Variants in ZNF354B observed in about 807,000 individuals in gnomAD.
ZNF354B encodes the protein zinc finger protein 354B.
A neutral mutation model predicts 12.9 loss-of-function variants in ZNF354B; 10 were observed. That is an observed-to-expected ratio of 0.77 (90% CI 0.48 to 1.31). The LOEUF (loss-of-function observed/expected upper bound fraction) is 1.31. Ranked by LOEUF, ZNF354B falls within the 40% of genes most tolerant of loss-of-function variation. The pLI, the probability that ZNF354B is intolerant of heterozygous loss-of-function variation, is 0.00. For missense variants in ZNF354B, 614 were observed against 711.7 expected (o/e 0.86, Z 1.56); for synonymous variants, 260 against 243.7 (o/e 1.07, Z -0.62).
chr5:178,862,673 A>T (rs1437320572), intron 2 of ZNF354B, among the ~76,000 whole-genome samples: 1 of 152,186 alleles, frequency 6.6e-6, no homozygotes, highest in Non-Finnish European at 1.5e-5. Flanking sequence ...TGGCGGCGTT[A>T]TCTTTTAAAC....
At chr5:178,863,664 C>T (rs890334211) in intron 2 of ZNF354B, among the ~76,000 whole-genome samples, 1 of 152,112 alleles carries the variant, frequency 6.6e-6, no homozygotes, top group African/African-American at 2.4e-5. Context: ...TTAACTGTAA[C>T]AGCCTCAGGC....
Position 178,884,186 on chromosome 5 carries a change from T to C in ZNF354B, c.1734T>C (p.Tyr578=), listed in dbSNP as rs372012541. 3.1e-5 allele frequency: 50 copies of C among 1,613,940 alleles called. No individual in the cohort carries two copies. The highest frequency in any genetic ancestry group is 1.7e-4 in the Admixed American group (10 of 59,990). Residue 578 remains tyrosine (Y), a synonymous_variant, in exon 5 of 5, where the codon TAT becomes TAC. Transcript: ENST00000322434. ...HQRIHTGEKP[Y]ECNACGKLFS... ...GAATTCATACTGGAGAGAAACCCTA[T>C]GAATGTAATGCATGTGGGAAACTCT...
intron 2 of ZNF354B, among the ~76,000 whole-genome samples, chr5:178,861,727 G>T (rs1761315815): frequency 6.6e-6 from 1 of 152,240 alleles, no homozygotes; most frequent in Non-Finnish European, 1.5e-5. Context: ...TGCAGAGGCA[G>T]CGTAGGTGGT....
chr5:178,863,599 A>G (rs967260411), intron 2 of ZNF354B, among the ~76,000 whole-genome samples: 7 of 152,178 alleles, frequency 4.6e-5, no homozygotes, highest in African/African-American at 1.4e-4. Context: ...TTATATATTT[A>G]TTGTACTATT....
chr5:178,874,932 T>C (rs929960353), intron 4 of ZNF354B, among the ~76,000 whole-genome samples: 5 of 152,194 alleles, frequency 3.3e-5, no homozygotes, highest in Admixed American at 3.3e-4. Flanking sequence ...AGGGCCAGTG[T>C]TTTATGCAGG....
intron 2 of ZNF354B, among the ~76,000 whole-genome samples, chr5:178,862,780 C>T (rs1757381628): frequency 6.6e-6 from 1 of 152,214 alleles, no homozygotes; most frequent in Admixed American, 6.5e-5. Context: ...CTATTCCATT[C>T]TCACAGAGCC....
intron 4 of ZNF354B, among the ~76,000 whole-genome samples, chr5:178,876,729 CT>C (rs918871603): frequency 3.3e-5 from 5 of 152,116 alleles, no homozygotes; most frequent in African/African-American, 1.2e-4. Flanking sequence ...AGAATTTCCT[CT>C]TGGTTTCTTT....
At chr5:178,861,165 A>T in intron 2 of ZNF354B, 85 bp downstream of exon 2, 1 of 867,808 alleles carries the variant, frequency 1.2e-6, no homozygotes. Context: ...TCCAGCCAGG[A>T]TGGAGCCCAA....
In ZNF354B at chr5:178,884,441, C is replaced by T. The variant is rs938881975; in HGVS notation, c.*150C>T. ...ATAACTTATGGGAAAAGCTTTTATA[C>T]TTGTCACTCACTTTTTAAAATATCC... On this transcript the variant is annotated 3_prime_UTR_variant, in exon 5 of 5. Coordinates refer to ENST00000322434, the MANE Select transcript of ZNF354B (RefSeq NM_058230.3). The T allele has an allele frequency of 2.5e-6, 2 of 796,238 alleles. No homozygotes were observed. Among genetic ancestry groups the T allele is most frequent in the Non-Finnish European group, 3.8e-6 (2 of 532,888 alleles). The allele number at this position is 796,238 out of a possible 1,614,324, so 49.3% of individuals were successfully genotyped here. A position where few individuals can be genotyped will look rare whatever the true frequency, so the allele number is the denominator to read the frequency against.
rs181457265 is a variant in ZNF354B, at chr5:178,875,288, C to T, written c.257-7421C>T. ...GGACTCCGGTTGGTGGTAGTTGTGG[C>T]AGAGAGCCTTTCACTTGTCTATGGG... is the stretch of plus-strand genomic sequence containing the variant. On this transcript the variant is annotated intron_variant, in intron 4 of 4. Coordinates refer to ENST00000322434, the MANE Select transcript of ZNF354B (RefSeq NM_058230.3). Among the ~76,000 whole-genome samples, 551 of 152,296 alleles carry T rather than the reference C, an allele frequency of 3.6e-3. 3 individuals are homozygous for T. The highest frequency in any genetic ancestry group is 0.01 in the Middle Eastern group (3 of 294).
chr5:178,869,787 G>T (rs1183301836), intron 4 of ZNF354B, among the ~76,000 whole-genome samples: 1 of 152,120 alleles, frequency 6.6e-6, no homozygotes, highest in Non-Finnish European at 1.5e-5. Context: ...ATTGCTCTTG[G>T]TGGGATGACC....
At chr5:178,861,232 G>A (rs1398419755) in intron 2 of ZNF354B, 152 bp downstream of exon 2, 1 of 1,059,406 alleles carries the variant, frequency 9.4e-7, no homozygotes, top group African/African-American at 1.6e-5. Context: ...TCTGTAGGGA[G>A]GACCACCCAC....
chr5:178,882,044 C>G (rs1242703986), intron 4 of ZNF354B, among the ~76,000 whole-genome samples: 2 of 151,760 alleles, frequency 1.3e-5, no homozygotes, highest in African/African-American at 4.9e-5. Flanking sequence ...AGAAATAGCT[C>G]TAGTGTATTT....
intron 4 of ZNF354B, among the ~76,000 whole-genome samples, chr5:178,881,646 T>TG (rs1757719575): frequency 8.0e-6 from 1 of 124,790 alleles, no homozygotes. Flanking sequence ...TTCAGTGAGT[T>TG]TTATCATTCA....
rs1430776869 is a variant in ZNF354B at position 178,867,016 on chromosome 5, G to A, written c.201G>A (p.Gln67=). 2.5e-6 allele frequency: 4 copies of A among 1,613,988 alleles called. No homozygotes were observed. Among genetic ancestry groups the A allele is most frequent in the East Asian group, 2.2e-5 (1 of 44,868 alleles). The part of the protein sequence containing the change: ...FTKPKVISLL[Q]QGEDPWEVEK... ...AACCAAAAGTCATCTCCCTGTTGCAGCAAGGAGAAGATCCCTGGGAGGTGG... is the reference window on the plus strand; with the variant it reads ...AACCAAAAGTCATCTCCCTGTTGCAACAAGGAGAAGATCCCTGGGAGGTGG... The change falls in exon 4 of 5, where the codon CAG becomes CAA. Residue 67 remains glutamine, a synonymous_variant. Coordinates refer to ENST00000322434, the MANE Select transcript of ZNF354B (RefSeq NM_058230.3).
chr5:178,883,706 C>T lies in ZNF354B; in HGVS notation c.1254C>T (p.Gly418=). 2 of 1,614,100 alleles carry T rather than the reference C, an allele frequency of 1.2e-6. No homozygotes were observed. Among genetic ancestry groups the T allele is most frequent in the South Asian group, 2.2e-5 (2 of 91,074 alleles). Residue 418 remains glycine (G), a synonymous_variant, in exon 5 of 5, where the codon GGC becomes GGT. Coordinates refer to ENST00000322434, the MANE Select transcript of ZNF354B (RefSeq NM_058230.3). ...KPYRCNECGK[G]FTSISRLNRH... ...ATAGATGCAATGAATGTGGGAAAGG[C>T]TTTACTTCTATTTCACGACTTAATA...
chr5:178,872,246 C>A (rs374460183), intron 4 of ZNF354B, among the ~76,000 whole-genome samples: 1 of 148,502 alleles, frequency 6.7e-6, no homozygotes, highest in African/African-American at 2.6e-5. Flanking sequence ...ATGTGTACAA[C>A]GTTATGGGAT....
At chr5:178,863,069 C>T (rs1757385834) in intron 2 of ZNF354B, among the ~76,000 whole-genome samples, 1 of 152,176 alleles carries the variant, frequency 6.6e-6, no homozygotes, top group South Asian at 2.1e-4. Flanking sequence ...CACAGTGGTT[C>T]AAATTATTTC....
At chr5:178,871,516 C>G (rs1228378727) in intron 4 of ZNF354B, among the ~76,000 whole-genome samples, 1 of 152,218 alleles carries the variant, frequency 6.6e-6, no homozygotes, top group Non-Finnish European at 1.5e-5. Flanking sequence ...AGACCTGTTT[C>G]TTCATGATCT....
Sources: gnomAD v4.1 joint callset for allele counts (sites outside exome capture counted in the v4.1 genomes callset) on GRCh38, gnomAD v4.1.1 for gene constraint, MANE v1.5 for transcripts, NCBI Gene and HGNC (gene_info 2026-07-23, HGNC 2026-07-21) for gene names.